ELF1: variants seen among roughly 807,000 people sequenced by gnomAD.
ELF1 encodes the protein ETS-related transcription factor Elf-1.
A neutral mutation model predicts 59.9 loss-of-function variants in ELF1; 24 were observed. The observed-to-expected ratio is 0.40, with a 90% CI of 0.29 to 0.56. ELF1 has a LOEUF of 0.56. ELF1 is among the 20% of genes least tolerant of loss of function. The pLI, the probability that ELF1 is intolerant of heterozygous loss-of-function variation, is 0.44. For missense variants in ELF1, 627 were observed against 742.2 expected (o/e 0.84, Z 1.80); for synonymous variants, 248 against 266.2 (o/e 0.93, Z 0.67).
chr13:41,048,936 T>A (rs2138431369), intron 1 of ELF1, among the ~76,000 whole-genome samples: 1 of 152,286 alleles, frequency 6.6e-6, no homozygotes, highest in Admixed American at 6.5e-5. Context: ...ATTCTGCCCC[T>A]ATTATGCCAC....
chr13:41,017,243 A>G (rs77789479), intron 1 of ELF1, among the ~76,000 whole-genome samples: 7 of 152,128 alleles, frequency 4.6e-5, no homozygotes, highest in African/African-American at 1.7e-4. Context: ...AAACATCTTA[A>G]TTAAGGTTTT....
intron 7 of ELF1, among the ~76,000 whole-genome samples, chr13:40,941,828 T>C (rs984870177): frequency 6.6e-6 from 1 of 152,112 alleles, no homozygotes; most frequent in Non-Finnish European, 1.5e-5. Context: ...TGGCTAATTT[T>C]TGCATTTTTT....
At chr13:40,955,279 G>GA (rs1464125711) in intron 3 of ELF1, among the ~76,000 whole-genome samples, 1 of 147,020 alleles carries the variant, frequency 6.8e-6, no homozygotes, top group Non-Finnish European at 1.5e-5. Context: ...AGGGAGGTGG[G>GA]GGTCAGCCCC....
intron 7 of ELF1, 67 bp downstream of exon 7, chr13:40,942,885 T>G: frequency 7.1e-7 from 1 of 1,411,728 alleles, no homozygotes; most frequent in South Asian, 1.8e-5. Context: ...AACTTAAGCT[T>G]AGTATTTTTT....
At chr13:40,939,030 T>G (rs1869967500) in intron 8 of ELF1, among the ~76,000 whole-genome samples, 1 of 152,112 alleles carries the variant, frequency 6.6e-6, no homozygotes, top group Non-Finnish European at 1.5e-5. Context: ...CCAGAACTTG[T>G]CCTAATAAAA....
chr13:40,983,242 A>C (rs1277843634), intron 1 of ELF1, among the ~76,000 whole-genome samples: 1 of 152,260 alleles, frequency 6.6e-6, no homozygotes, highest in African/African-American at 2.4e-5. Flanking sequence ...TCTTTGAATT[A>C]GCATTTACAG....
intron 1 of ELF1, among the ~76,000 whole-genome samples, chr13:41,003,840 T>A (rs937594571): frequency 6.6e-6 from 1 of 152,108 alleles, no homozygotes; most frequent in African/African-American, 2.4e-5. Flanking sequence ...TTAACTAGGA[T>A]GAAAACACTA....
intron 1 of ELF1, among the ~76,000 whole-genome samples, chr13:40,983,992 ACTGCTCC>A (rs1349583108): frequency 2.0e-5 from 3 of 152,216 alleles, no homozygotes; most frequent in Non-Finnish European, 4.4e-5. Context: ...AACTACAAGG[ACTGCTCC>A]CTTCAAAAAC....
intron 1 of ELF1, among the ~76,000 whole-genome samples, chr13:41,014,271 A>C (rs754827170): frequency 6.6e-6 from 1 of 152,182 alleles, no homozygotes. Flanking sequence ...GATAGCTTTT[A>C]ATATAAAAAT....
At chr13:40,990,928 T>TA (rs1213473070) in intron 1 of ELF1, among the ~76,000 whole-genome samples, 21 of 151,894 alleles carry the variant, frequency 1.4e-4, no homozygotes, top group Admixed American at 1.0e-3. Flanking sequence ...TGATCAAGGT[T>TA]AACATCAACA....
chr13:40,978,773 T>C lies in ELF1; in HGVS notation c.72+3210A>G, dbSNP rs368632498. On this transcript the variant is annotated intron_variant, in intron 2 of 8. Coordinates refer to ENST00000239882, the MANE Select transcript of ELF1 (RefSeq NM_172373.4). ...ACAAATTAAAATAGTAAAATGTCAT[T>C]TCCACCCTAAAGACTGGCCAAAAAA... is the stretch of plus-strand genomic sequence containing the variant. Among the ~76,000 whole-genome samples the C allele has an allele frequency of 4.5e-4, 69 of 152,028 alleles. 1 individual carries two copies. The highest frequency in any genetic ancestry group is 1.6e-3 in the African/African-American group (66 of 41,472).
At chr13:40,934,746 G>A (rs1869654528) in intron 8 of ELF1, among the ~76,000 whole-genome samples, 2 of 152,028 alleles carry the variant, frequency 1.3e-5, no homozygotes, top group South Asian at 4.1e-4. Flanking sequence ...GAGAGATAAT[G>A]TTACCAACAT....
intron 1 of ELF1, among the ~76,000 whole-genome samples, chr13:41,038,831 C>A (rs1876489065): frequency 6.6e-6 from 1 of 151,622 alleles, no homozygotes; most frequent in African/African-American, 2.4e-5. Flanking sequence ...GCCTGGCCAA[C>A]ATGGTGAAAC....
intron 5 of ELF1, among the ~76,000 whole-genome samples, chr13:40,947,250 T>C (rs913056205): frequency 4.0e-5 from 6 of 151,848 alleles, no homozygotes; most frequent in African/African-American, 1.2e-4. Flanking sequence ...TAAGAAAAAT[T>C]TGTACATAAA....
intron 7 of ELF1, among the ~76,000 whole-genome samples, chr13:40,942,303 T>C (rs74871876): frequency 0.01 from 1,535 of 152,306 alleles, 39 homozygotes; most frequent in African/African-American, 0.035. Context: ...GTCTATCCCC[T>C]AAAAGTCATT....
At chr13:41,043,530 A>C (rs1166889329) in intron 1 of ELF1, among the ~76,000 whole-genome samples, 2 of 152,214 alleles carry the variant, frequency 1.3e-5, no homozygotes, top group Non-Finnish European at 2.9e-5. Flanking sequence ...ATGTCTAGCC[A>C]GTTTTCCCAG....
At chr13:40,955,551 G>T (rs1871273274) in intron 3 of ELF1, among the ~76,000 whole-genome samples, 1 of 79,864 alleles carries the variant, frequency 1.3e-5, no homozygotes, top group Non-Finnish European at 2.8e-5. Context: ...AGTAGGTGGG[G>T]GGGTCAGCCC....
At chr13:41,047,278 CGTCAAA>C (rs1300068814) in intron 1 of ELF1, among the ~76,000 whole-genome samples, 4 of 152,338 alleles carry the variant, frequency 2.6e-5, no homozygotes, top group African/African-American at 9.6e-5. Context: ...TCTCTCAACT[CGTCAAA>C]GTCATTCTCC....
At chr13:40,977,628 T>C (rs566278224) in intron 2 of ELF1, among the ~76,000 whole-genome samples, 1 of 152,346 alleles carries the variant, frequency 6.6e-6, no homozygotes, top group Non-Finnish European at 1.5e-5. Context: ...TCAGTGATTT[T>C]ATAAACAGCC....
Sources: allele counts gnomAD v4.1 joint callset (sites outside exome capture counted in the v4.1 genomes callset), GRCh38; gene constraint gnomAD v4.1.1; transcripts MANE v1.5; gene names NCBI Gene and HGNC (gene_info 2026-07-23, HGNC 2026-07-21).